The following SLC2A13 variants were observed in gnomAD, a reference collection of about 807,000 sequenced individuals.
The protein encoded by SLC2A13 is proton myo-inositol cotransporter.
Under a neutral mutation model 64.4 loss-of-function variants are expected in SLC2A13, and 32 were observed. That is an observed-to-expected ratio of 0.50 (90% CI 0.37 to 0.67). The LOEUF (loss-of-function observed/expected upper bound fraction) is 0.67. SLC2A13 is among the 30% of genes least tolerant of loss of function. The pLI is 0.00. For synonymous variants in SLC2A13, 338 were observed against 327.1 expected (o/e 1.03, Z -0.36); for missense variants, 743 against 829.2 (o/e 0.90, Z 1.28).
intron 4 of SLC2A13, among the ~76,000 whole-genome samples, chr12:39,879,332 C>T (rs1186572280): frequency 6.6e-6 from 1 of 152,164 alleles, no homozygotes; most frequent in African/African-American, 2.4e-5. Context: ...TCCTCTAGAC[C>T]CCAGAATGGT....
chr12:40,047,642 C>T (rs753694578), intron 2 of SLC2A13, among the ~76,000 whole-genome samples: 1 of 152,274 alleles, frequency 6.6e-6, no homozygotes, highest in African/African-American at 2.4e-5. Flanking sequence ...TTAAACACTA[C>T]GTTTCTTTCA....
intron 1 of SLC2A13, among the ~76,000 whole-genome samples, chr12:40,084,228 T>A (rs1938515757): frequency 6.6e-6 from 1 of 152,228 alleles, no homozygotes; most frequent in Non-Finnish European, 1.5e-5. Flanking sequence ...CATGCTGTGC[T>A]TTCTTCTTAC....
At chr12:39,981,575 G>C (rs1361102887) in intron 3 of SLC2A13, among the ~76,000 whole-genome samples, 3 of 150,424 alleles carry the variant, frequency 2.0e-5, no homozygotes, top group Non-Finnish European at 3.0e-5. Flanking sequence ...AGAAAATCTA[G>C]AAGAAATGGA....
chr12:40,059,584 T>C (rs922248091), intron 1 of SLC2A13, among the ~76,000 whole-genome samples: 125 of 152,256 alleles, frequency 8.2e-4, no homozygotes, highest in African/African-American at 2.6e-3. Flanking sequence ...AAGAAATACA[T>C]AGGACAATGT....
intron 7 of SLC2A13, among the ~76,000 whole-genome samples, chr12:39,805,001 G>A (rs1941922942): frequency 6.6e-6 from 1 of 152,218 alleles, no homozygotes; most frequent in Non-Finnish European, 1.5e-5. Context: ...GGAGAAGACT[G>A]CTGGGGAGAG....
intron 4 of SLC2A13, among the ~76,000 whole-genome samples, chr12:39,924,543 C>A (rs1164710614): frequency 1.3e-5 from 2 of 150,966 alleles, no homozygotes; most frequent in Non-Finnish European, 2.9e-5. Context: ...ATAGACTTCA[C>A]CTTTTTCTGA....
intron 7 of SLC2A13, among the ~76,000 whole-genome samples, chr12:39,786,346 C>T (rs563903932): frequency 2.6e-5 from 4 of 152,330 alleles, no homozygotes; most frequent in African/African-American, 9.6e-5. Flanking sequence ...TTGCTGCTGC[C>T]ATGTAAGAAG....
intron 6 of SLC2A13, among the ~76,000 whole-genome samples, chr12:39,836,333 T>C (rs563235417): frequency 6.6e-6 from 1 of 152,216 alleles, no homozygotes; most frequent in Non-Finnish European, 1.5e-5. Flanking sequence ...CAAGTACAGT[T>C]AGAACCAAAT....
Position 39,922,877 on chromosome 12 carries a change from C to A in SLC2A13, c.1034+28380G>T, listed in dbSNP as rs1945639705. Among the ~76,000 whole-genome samples, 8 of 152,242 alleles carry A rather than the reference C, an allele frequency of 5.3e-5. No homozygotes were observed. In the South Asian group the frequency reaches 1.7e-3, roughly 32 times the overall value. The stretch of plus-strand genomic sequence containing the variant: ...GTCAAGCCTATTGCATTTTACATTG[C>A]CAAACTTTTTTCTCTAGTATTTTCA... On this transcript the variant is annotated intron_variant, in intron 4 of 9. Coordinates refer to ENST00000280871, the MANE Select transcript of SLC2A13 (RefSeq NM_052885.4).
At chr12:39,902,337 T>C (rs1278034387) in intron 4 of SLC2A13, among the ~76,000 whole-genome samples, 1 of 151,676 alleles carries the variant, frequency 6.6e-6, no homozygotes, top group Admixed American at 6.6e-5. Context: ...AATTAAAGTA[T>C]AATAATAATA....
At position 39,792,256 on chromosome 12, in the gene SLC2A13, T is replaced by C. The variant is rs558784278; in HGVS notation, c.1446-27398A>G. Among the ~76,000 whole-genome samples the C allele has an allele frequency of 1.7e-4, 25 of 143,328 alleles. No homozygotes were observed. In the East Asian group the frequency reaches 4.8e-3, roughly 27 times the overall value. The allele number at this position is 143,328 out of a possible 152,430, so 94.0% of individuals were successfully genotyped here. A position where few individuals can be genotyped will look rare whatever the true frequency, so the allele number is the denominator to read the frequency against. ...GGATTAAAGATTTAAACGTTAGACC[T>C]AAAACCATAAAAACCCTAGAAGAAA... On this transcript the variant is annotated intron_variant, in intron 7 of 9. Coordinates refer to ENST00000280871, the MANE Select transcript of SLC2A13 (RefSeq NM_052885.4).
chr12:39,797,600 A>T (rs890855059), intron 7 of SLC2A13, among the ~76,000 whole-genome samples: 2 of 152,214 alleles, frequency 1.3e-5, no homozygotes, highest in Non-Finnish European at 2.9e-5. Flanking sequence ...GTTGTCTCTC[A>T]TTGGTAACTT....
At chr12:40,067,487 G>C (rs901545696) in intron 1 of SLC2A13, among the ~76,000 whole-genome samples, 1 of 151,652 alleles carries the variant, frequency 6.6e-6, no homozygotes, top group Non-Finnish European at 1.5e-5. Context: ...GTAATAAAAT[G>C]AGTATATTAT....
chr12:40,021,705 T>C (rs1206748951), intron 3 of SLC2A13, among the ~76,000 whole-genome samples: 1 of 152,188 alleles, frequency 6.6e-6, no homozygotes, highest in African/African-American at 2.4e-5. Context: ...ATGACATCCA[T>C]GCATTGTTTT....
chr12:40,032,725 A>C (rs971461309), intron 2 of SLC2A13, among the ~76,000 whole-genome samples: 1 of 152,248 alleles, frequency 6.6e-6, no homozygotes, highest in East Asian at 1.9e-4. Flanking sequence ...TGAACTAAAC[A>C]TTCACTCTCA....
chr12:40,078,070 CTAGA>C (rs1269479945), intron 1 of SLC2A13, among the ~76,000 whole-genome samples: 1 of 152,060 alleles, frequency 6.6e-6, no homozygotes, highest in East Asian at 1.9e-4. Flanking sequence ...ATGGGGTTTT[CTAGA>C]TATACAATTA....
At chr12:39,900,386 G>A (rs1371546013) in intron 4 of SLC2A13, among the ~76,000 whole-genome samples, 2 of 152,152 alleles carry the variant, frequency 1.3e-5, no homozygotes, top group African/African-American at 4.8e-5. Context: ...TAGGAAAAGA[G>A]GAAGTCAAAT....
chr12:39,821,418 A>AC (rs986748199), intron 7 of SLC2A13, among the ~76,000 whole-genome samples: 1 of 152,126 alleles, frequency 6.6e-6, no homozygotes, highest in African/African-American at 2.4e-5. Flanking sequence ...TCAAAAAAAA[A>AC]AAATTTTTTT....
At chr12:39,761,134 G>T (rs1265002862) in intron 9 of SLC2A13, among the ~76,000 whole-genome samples, 1 of 152,020 alleles carries the variant, frequency 6.6e-6, no homozygotes, top group African/African-American at 2.4e-5. Context: ...TGTGACAATT[G>T]GCTGGAGAAA....
Sources: allele counts gnomAD v4.1 joint callset (sites outside exome capture counted in the v4.1 genomes callset), GRCh38; gene constraint gnomAD v4.1.1; transcripts MANE v1.5; gene names NCBI Gene and HGNC (gene_info 2026-07-23, HGNC 2026-07-21).